ANKRD11: variants seen among roughly 807,000 people sequenced by gnomAD.
The protein encoded by ANKRD11 is ankyrin repeat domain-containing protein 11.
Under a neutral mutation model 195.7 loss-of-function variants are expected in ANKRD11, and 17 were observed. The observed-to-expected ratio is 0.09, with a 90% CI of 0.06 to 0.13. ANKRD11 has a LOEUF of 0.13. Ranked by LOEUF, ANKRD11 falls within the 10% of genes least tolerant of loss-of-function variation. ANKRD11 has a pLI of 1.00. For synonymous variants in ANKRD11, 1,953 were observed against 1,528.1 expected (o/e 1.28, Z -6.49); for missense variants, 3,735 against 3,566.1 (o/e 1.05, Z -1.21).
chr16:89,345,461 C>T (rs934609270), intron 2 of ANKRD11, among the ~76,000 whole-genome samples: 5 of 152,188 alleles, frequency 3.3e-5, no homozygotes, highest in Admixed American at 1.3e-4. Flanking sequence ...CCTGCAGCCA[C>T]GGAAGGACGA....
Position 89,279,873 on chromosome 16 carries a change from C to T in ANKRD11, c.6669G>A (p.Ala2223=), listed in dbSNP as rs1003120636. ...LDVALEAAVE[A]ETVPEERARG... is the part of the protein sequence containing the mutation. ...GGGCCCTCTCTTCCGGCACCGTCTC[C>T]GCCTCCACCGCAGCTTCTAGAGCCA... Residue 2223 remains alanine, a synonymous_variant, in exon 9 of 13, where the codon GCG becomes GCA. Transcript: ENST00000301030. The surrounding 1 kb of genome is among the most constrained non-coding windows in gnomAD (Gnocchi z 5.6). 7.6e-6 allele frequency: 12 copies of T among 1,575,544 alleles called. No individual in the cohort carries two copies. The highest frequency in any genetic ancestry group is 5.5e-5 in the Admixed American group (3 of 54,468).
At chr16:89,474,895 A>T (rs899359155) in intron 1 of ANKRD11, among the ~76,000 whole-genome samples, 9 of 152,362 alleles carry the variant, frequency 5.9e-5, no homozygotes, top group South Asian at 2.1e-4. Context: ...AAATCTTCAA[A>T]CGCAAATTTG....
At chr16:89,482,727 C>T (rs986870157) in intron 1 of ANKRD11, among the ~76,000 whole-genome samples, 1 of 152,156 alleles carries the variant, frequency 6.6e-6, no homozygotes, top group African/African-American at 2.4e-5. Flanking sequence ...AGGAGGTCGA[C>T]GCTGCAGTGA....
intron 11 of ANKRD11, 194 bp from the exon 12 acceptor site, chr16:89,271,103 T>A: frequency 3.1e-6 from 2 of 641,432 alleles, no homozygotes; most frequent in South Asian, 3.4e-5. Context: ...ACAGCCTCCC[T>A]AAAATGCGCG....
At chr16:89,293,608 A>AG (rs1429743756) in intron 4 of ANKRD11, among the ~76,000 whole-genome samples, 10 of 52,280 alleles carry the variant, frequency 1.9e-4, no homozygotes, top group South Asian at 8.7e-4. Context: ...GGGGCTGCGG[A>AG]GGGAGGAGCT....
rs2034586126 is a variant in ANKRD11, at chr16:89,285,506, C to T, written c.1036G>A (p.Glu346Lys). The change falls in exon 9 of 13, where the codon GAG becomes AAG. Residue 346 changes from glutamate (E) to lysine (K), a missense_variant. Coordinates refer to ENST00000301030, the MANE Select transcript of ANKRD11 (RefSeq NM_013275.6). This position sits in a 1 kb window ranked among gnomAD's most constrained non-coding sequence, Gnocchi z 5.6. The stretch of plus-strand genomic sequence containing the variant: ...TCGTCGTCCTCATCAAACTCATACT[C>T]GTCCTTGACGGGGGCCGTGGCCTTC... Reference protein sequence around the residue: ...PQKATAPVKDEYEFDEDDEQD... With the variant: ...PQKATAPVKDKYEFDEDDEQD... The T allele has an allele frequency of 1.2e-6, 2 of 1,614,046 alleles. No homozygotes were observed. Among genetic ancestry groups the T allele is most frequent in the Admixed American group, 1.7e-5 (1 of 59,998 alleles).
At chr16:89,351,472 C>A (rs978237853) in intron 2 of ANKRD11, among the ~76,000 whole-genome samples, 9 of 152,212 alleles carry the variant, frequency 5.9e-5, no homozygotes, top group Non-Finnish European at 7.3e-5. Flanking sequence ...CACCAAATAA[C>A]TGATTCTCAT....
At chr16:89,307,856 C>G (rs1443567743) in intron 3 of ANKRD11, among the ~76,000 whole-genome samples, 1 of 152,278 alleles carries the variant, frequency 6.6e-6, no homozygotes, top group Non-Finnish European at 1.5e-5. Flanking sequence ...GTGGGTTCCA[C>G]CAGACATCTG....
rs143692229 is a variant in ANKRD11, at chr16:89,417,296, A to G, written c.-60+988T>C. On this transcript the variant is annotated intron_variant, in intron 2 of 12. Coordinates refer to ENST00000301030, the MANE Select transcript of ANKRD11 (RefSeq NM_013275.6). ...TGGGAGTAACAACACAAAACAGATT[A>G]TGTATTTTTGGAATGTTCACTTTAA... Among the ~76,000 whole-genome samples the G allele has an allele frequency of 4.6e-3, 696 of 152,302 alleles. 6 individuals are homozygous for G. The highest frequency in any genetic ancestry group is 0.015 in the African/African-American group (642 of 41,560).
chr16:89,305,118 C>T (rs1185126929), intron 4 of ANKRD11, 88 bp downstream of exon 4: 11 of 1,554,790 alleles, frequency 7.1e-6, no homozygotes, highest in South Asian at 2.4e-5. Context: ...AGTGCAAAGC[C>T]GGAGGTGCGG....
chr16:89,489,725 T>C (rs1490364711), intron 1 of ANKRD11, among the ~76,000 whole-genome samples: 5 of 127,096 alleles, frequency 3.9e-5, no homozygotes, highest in Admixed American at 3.0e-4. Flanking sequence ...CCCCAAGACC[T>C]GCAGGCCCGC....
rs375773973 is a variant in ANKRD11 at position 89,326,189 on chromosome 16, G to C, written c.-59-9111C>G. Among the ~76,000 whole-genome samples, 14 of 152,370 alleles carry C rather than the reference G, an allele frequency of 9.2e-5. No homozygotes were observed. The East Asian group carries it at 2.7e-3, about 29-fold the overall frequency. The stretch of plus-strand genomic sequence containing the variant: ...CAGCTAAAAATAATCATGGCCGTAA[G>C]GCAGGGACGGCAGATGGAGGGTGAC... On this transcript the variant is annotated intron_variant, in intron 2 of 12. Coordinates refer to ENST00000301030, the MANE Select transcript of ANKRD11 (RefSeq NM_013275.6).
chr16:89,339,187 C>G (rs896545667), intron 2 of ANKRD11, among the ~76,000 whole-genome samples: 2 of 152,202 alleles, frequency 1.3e-5, no homozygotes, highest in Non-Finnish European at 1.5e-5. Context: ...TCCTGTGATG[C>G]CTGCCAAAAG....
At chr16:89,449,324 C>A (rs1409166821) in intron 1 of ANKRD11, among the ~76,000 whole-genome samples, 1 of 152,020 alleles carries the variant, frequency 6.6e-6, no homozygotes, top group African/African-American at 2.4e-5. Context: ...GTGATCCCAC[C>A]ACTGCATTCC....
chr16:89,376,235 TACA>T (rs1182910377), intron 2 of ANKRD11, among the ~76,000 whole-genome samples: 3 of 152,178 alleles, frequency 2.0e-5, no homozygotes, highest in South Asian at 4.1e-4. Flanking sequence ...GAAGCCATTA[TACA>T]ACAACTGAAA....
At chr16:89,300,871 T>G in intron 4 of ANKRD11, 1 of 702,170 alleles carries the variant, frequency 1.4e-6, no homozygotes, top group East Asian at 2.7e-5. Flanking sequence ...CAAAGAAACA[T>G]CCACGTGCAG....
intron 3 of ANKRD11, among the ~76,000 whole-genome samples, chr16:89,306,509 C>T (rs1192355089): frequency 5.7e-5 from 4 of 70,700 alleles, no homozygotes; most frequent in African/African-American, 1.1e-4. Context: ...TCCGCAGACA[C>T]GCGCCACCCA....
chr16:89,387,857 T>C (rs1192293667), intron 2 of ANKRD11, among the ~76,000 whole-genome samples: 2 of 150,592 alleles, frequency 1.3e-5, no homozygotes, highest in African/African-American at 4.9e-5. Context: ...TCAAAAAAAT[T>C]AGCCAGGCGT....
chr16:89,469,701 A>G, intron 1 of ANKRD11, among the ~76,000 whole-genome samples: 1 of 148,948 alleles, frequency 6.7e-6, no homozygotes, highest in Non-Finnish European at 1.5e-5. Flanking sequence ...GATGGAGACC[A>G]TCCTGGCTAA....
Sources: allele counts gnomAD v4.1 joint callset (sites outside exome capture counted in the v4.1 genomes callset), GRCh38; gene constraint gnomAD v4.1.1; non-coding constraint Gnocchi (gnomAD v3.1); transcripts MANE v1.5; gene names NCBI Gene and HGNC (gene_info 2026-07-23, HGNC 2026-07-21).